The following CHST1 variants were observed in gnomAD, a reference collection of about 807,000 sequenced individuals.
CHST1 encodes the protein Keratan sulfotransferase.
CHST1 carries 10 observed loss-of-function variants against 22.5 expected under a neutral mutation model. The ratio of observed to expected loss-of-function variants is 0.44; its 90% CI spans 0.27 to 0.75. CHST1 has a LOEUF of 0.75. CHST1 is among the 30% of genes least tolerant of loss of function. CHST1 has a pLI of 0.15. For missense variants in CHST1, 439 were observed against 576.1 expected, an observed-to-expected ratio of 0.76 and a Z score of 2.44; for synonymous variants, 267 against 264.5, an observed-to-expected ratio of 1.01 and a Z score of -0.09.
Position 45,650,965 on chromosome 11 carries a change from T to C in CHST1, c.-42A>G. The C allele has an allele frequency of 4.0e-6, 6 of 1,510,876 alleles. No homozygotes were observed. The highest frequency in any genetic ancestry group is 5.3e-6 in the Non-Finnish European group (6 of 1,131,156). The allele number at this position is 1,510,876 out of a possible 1,614,324, so 93.6% of individuals were successfully genotyped here. On this transcript the variant is annotated splice_region_variant and 5_prime_UTR_variant, in exon 4 of 4. Transcript: ENST00000308064. ...GGGGCTGCTTCTCCAAGGGGTGAGG[T>C]CTGTGGGCAAAGGCGGCCAGCGGTC...
At position 45,648,746 on chromosome 11, in the gene CHST1, T is replaced by TC. The variant is rs1385555487; in HGVS notation, c.*941dup. The TC allele has an allele frequency of 1.3e-5, 2 of 152,098 alleles. No individual in the cohort carries two copies. Among genetic ancestry groups the TC allele is most frequent in the African/African-American group, 4.8e-5 (2 of 41,356 alleles). The allele number at this position is 152,098 out of a possible 1,614,324, so 9.4% of individuals were successfully genotyped here. Reference sequence around the variant, plus strand: ...ACTCAGTGTTGAGGGTGACAAGAGTTCTGAAAGGCAGACTTGTCATTTAAT... The same window carrying TC: ...ACTCAGTGTTGAGGGTGACAAGAGTTCCTGAAAGGCAGACTTGTCATTTAAT... On this transcript the variant is annotated 3_prime_UTR_variant, in exon 4 of 4. Transcript: ENST00000308064.
intron 1 of CHST1, among the ~76,000 whole-genome samples, chr11:45,656,055 G>A (rs921711145): frequency 2.3e-4 from 35 of 152,226 alleles, no homozygotes; most frequent in African/African-American, 5.8e-4. Context: ...AGAACCTAGC[G>A]GTGCTGCCTT....
At chr11:45,664,917 C>T (rs1345842405) in intron 1 of CHST1, among the ~76,000 whole-genome samples, 5 of 152,268 alleles carry the variant, frequency 3.3e-5, no homozygotes, top group Middle Eastern at 6.8e-3. Flanking sequence ...GGGGCCACCG[C>T]GCGTCTCAAG....
In CHST1 at chr11:45,650,418, G is replaced by A. The variant is rs1851979064; in HGVS notation, c.506C>T (p.Pro169Leu). ...VLCSRPVCDP[P>L]GPADLVLEEG... Reference sequence around the variant, plus strand: ...CTCCAGGACCAGGTCGGCTGGCCCCGGAGGGTCGCACACAGGCCGGGAGCA... The same window carrying A: ...CTCCAGGACCAGGTCGGCTGGCCCCAGAGGGTCGCACACAGGCCGGGAGCA... Residue 169 changes from proline to leucine, a missense_variant, in exon 4 of 4, where the codon CCG becomes CTG. By Grantham distance (98) the Pro-to-Leu change is moderately conservative. Transcript: ENST00000308064. The A allele has an allele frequency of 6.2e-7, 1 of 1,607,596 alleles. No homozygotes were observed. The highest frequency in any genetic ancestry group is 1.3e-5 in the African/African-American group (1 of 74,908).
chr11:45,657,340 G>A (rs1852074899), intron 1 of CHST1, among the ~76,000 whole-genome samples: 1 of 152,208 alleles, frequency 6.6e-6, no homozygotes, highest in Non-Finnish European at 1.5e-5. Flanking sequence ...GGGTATAAGA[G>A]TCTGAAACAA....
At chr11:45,656,600 A>C (rs997419220) in intron 1 of CHST1, among the ~76,000 whole-genome samples, 1 of 152,206 alleles carries the variant, frequency 6.6e-6, no homozygotes, top group African/African-American at 2.4e-5. Flanking sequence ...TTTTTGATTC[A>C]GTTTGAGTTT....
At chr11:45,657,969 G>A (rs183150799) in intron 1 of CHST1, among the ~76,000 whole-genome samples, 3 of 152,314 alleles carry the variant, frequency 2.0e-5, no homozygotes, top group East Asian at 1.9e-4. Context: ...TTGGTCTACC[G>A]ATTTTTCACC....
In CHST1 at chr11:45,650,460, C is replaced by G. The variant is rs1851980021; in HGVS notation, c.464G>C (p.Gly155Ala). 1 of 1,612,314 alleles carries G rather than the reference C, an allele frequency of 6.2e-7. No homozygotes were observed. The highest frequency in any genetic ancestry group is 8.5e-7 in the Non-Finnish European group (1 of 1,179,896). ...NHTTDRIFRR[G>A]ASRVLCSRPV... ...CCGGGAGCAGAGGACCCGGCTGGCC[C>G]CGCGGCGGAAGATCCTGTCGGTGGT... Residue 155 changes from glycine to alanine, a missense_variant, in exon 4 of 4, where the codon GGG becomes GCG. By Grantham distance (60) the Gly-to-Ala change is moderately conservative. Transcript: ENST00000308064.
rs566281582 is a variant in CHST1, at chr11:45,662,468, G to T, written c.-227+2710C>A. Among the ~76,000 whole-genome samples, 7 of 152,342 alleles carry T rather than the reference G, an allele frequency of 4.6e-5. No homozygotes were observed. In the South Asian group the frequency reaches 6.2e-4, roughly 14 times the overall value. On this transcript the variant is annotated intron_variant, in intron 1 of 3. Coordinates refer to ENST00000308064, the MANE Select transcript of CHST1 (RefSeq NM_003654.6). ...AAAATGGCTGGCTGCTTCCCAGCGG[G>T]GGGTGTGCCGGGGCCGCTGGGGAGA...
intron 1 of CHST1, among the ~76,000 whole-genome samples, chr11:45,663,099 T>G (rs1310178423): frequency 1.3e-5 from 2 of 151,656 alleles, no homozygotes; most frequent in African/African-American, 2.4e-5. Context: ...TATCAAATGC[T>G]CCCTCCCCAC....
intron 1 of CHST1, among the ~76,000 whole-genome samples, chr11:45,653,153 G>C (rs566566112): frequency 1.3e-5 from 2 of 152,044 alleles, no homozygotes; most frequent in African/African-American, 4.8e-5. Context: ...CTTTGGGAGC[G>C]GGTGAGTGGA....
At position 45,648,074 on chromosome 11, in the gene CHST1, A is replaced by G. The variant is rs2120308489; in HGVS notation, c.*1614T>C. ...CAACCTGCTAGATTGCCACGAAGGG[A>G]AGGGGAGGAAGCACAGCAGATTCTC... is the stretch of plus-strand genomic sequence containing the variant. On this transcript the variant is annotated 3_prime_UTR_variant, in exon 4 of 4. Transcript: ENST00000308064. 6.6e-6 allele frequency among the ~76,000 whole-genome samples: 1 copy of G among 152,298 alleles called. No individual in the cohort carries two copies. The highest frequency in any genetic ancestry group is 6.5e-5 in the Admixed American group (1 of 15,304).
chr11:45,661,980 C>G (rs1852138618), intron 1 of CHST1, among the ~76,000 whole-genome samples: 1 of 152,236 alleles, frequency 6.6e-6, no homozygotes, highest in South Asian at 2.1e-4. Context: ...AGCAGCTGCT[C>G]AGGCTGGAGC....
In CHST1 at chr11:45,648,499, A is replaced by G. The variant is rs994542918; in HGVS notation, c.*1189T>C. ...GGAGTTCGCGACCAGCCTGGACAAC[A>G]CGGTGAAACCCCGTCTCTACTAAAA... On this transcript the variant is annotated 3_prime_UTR_variant, in exon 4 of 4. Transcript: ENST00000308064. Among the ~76,000 whole-genome samples, 2 of 150,752 alleles carry G rather than the reference A, an allele frequency of 1.3e-5. No homozygotes were observed. The highest frequency in any genetic ancestry group is 4.9e-5 in the African/African-American group (2 of 40,678).
At chr11:45,656,313 C>G (rs965722858) in intron 1 of CHST1, among the ~76,000 whole-genome samples, 1 of 152,234 alleles carries the variant, frequency 6.6e-6, no homozygotes, top group African/African-American at 2.4e-5. Context: ...AGGGAATTGT[C>G]TTTCCAACCG....
Position 45,649,440 on chromosome 11 carries a change from T to C in CHST1, c.*248A>G, listed in dbSNP as rs957506576. 2.1e-5 allele frequency: 9 copies of C among 433,064 alleles called. No individual in the cohort carries two copies. In the Admixed American group the frequency reaches 2.1e-4, roughly 10 times the overall value. The allele number at this position is 433,064 out of a possible 1,614,324, so 26.8% of individuals were successfully genotyped here. A position where few individuals can be genotyped will look rare whatever the true frequency, so the allele number is the denominator to read the frequency against. ...CGTCCGCACAGAGACCCAACATCCATGTGTCTGAATGGGGGGGGGGGGGGC... is the reference window on the plus strand; with the variant it reads ...CGTCCGCACAGAGACCCAACATCCACGTGTCTGAATGGGGGGGGGGGGGGC... On this transcript the variant is annotated 3_prime_UTR_variant, in exon 4 of 4. Coordinates refer to ENST00000308064, the MANE Select transcript of CHST1 (RefSeq NM_003654.6).
At chr11:45,664,754 T>C (rs1167979929) in intron 1 of CHST1, among the ~76,000 whole-genome samples, 1 of 152,158 alleles carries the variant, frequency 6.6e-6, no homozygotes, top group Non-Finnish European at 1.5e-5. Context: ...CGCCCCCGCC[T>C]CCGGGTGCAG....
In CHST1 at chr11:45,650,450, C is replaced by T; in HGVS notation, c.474G>A (p.Arg158=). 1.2e-6 allele frequency: 2 copies of T among 1,611,628 alleles called. No individual in the cohort carries two copies. Among genetic ancestry groups the T allele is most frequent in the Non-Finnish European group, 1.7e-6 (2 of 1,179,872 alleles). ...TDRIFRRGAS[R]VLCSRPVCDP... ...CGCACACAGGCCGGGAGCAGAGGAC[C>T]CGGCTGGCCCCGCGGCGGAAGATCC... is the stretch of plus-strand genomic sequence containing the variant. Residue 158 remains arginine, a synonymous_variant, in exon 4 of 4, where the codon CGG becomes CGA. Transcript: ENST00000308064.
chr11:45,648,383 T>G lies in CHST1; in HGVS notation c.*1305A>C, dbSNP rs1254943226. ...TATAAGTTACCCGGTCTCAACTGACTGAAGGAAAAAAAAAACGGCTGGGTG... is the reference window on the plus strand; with the variant it reads ...TATAAGTTACCCGGTCTCAACTGACGGAAGGAAAAAAAAAACGGCTGGGTG... On this transcript the variant is annotated 3_prime_UTR_variant, in exon 4 of 4. Transcript: ENST00000308064. 6.6e-6 allele frequency among the ~76,000 whole-genome samples: 1 copy of G among 151,244 alleles called. No homozygotes were observed. Among genetic ancestry groups the G allele is most frequent in the Non-Finnish European group, 1.5e-5 (1 of 67,780 alleles).
Sources: allele counts gnomAD v4.1 joint callset (sites outside exome capture counted in the v4.1 genomes callset), GRCh38; gene constraint gnomAD v4.1.1; transcripts MANE v1.5; gene names NCBI Gene and HGNC (gene_info 2026-07-23, HGNC 2026-07-21).